The following UBAP2 variants were observed in gnomAD, a reference collection of about 807,000 sequenced individuals.
UBAP2 encodes the protein ubiquitin-associated protein 2.
A neutral mutation model predicts 139.6 loss-of-function variants in UBAP2; 75 were observed. The ratio of observed to expected loss-of-function variants is 0.54; its 90% CI spans 0.45 to 0.65. UBAP2 has a LOEUF of 0.65. Ranked by LOEUF, UBAP2 falls within the 30% of genes least tolerant of loss-of-function variation. The pLI is 0.00. For synonymous variants in UBAP2, 526 were observed against 526.2 expected (o/e 1.00, Z 0.01); for missense variants, 1,368 against 1,369.6 (o/e 1.00, Z 0.02).
rs967189112 is a variant in UBAP2, at chr9:33,921,783, T to G, written c.*721A>C. 6.6e-6 allele frequency: 1 copy of G among 152,530 alleles called. No homozygotes were observed. The highest frequency in any genetic ancestry group is 2.4e-5 in the African/African-American group (1 of 41,396). The allele number at this position is 152,530 out of a possible 1,614,324, so 9.4% of individuals were successfully genotyped here. On this transcript the variant is annotated 3_prime_UTR_variant, in exon 29 of 29. Coordinates refer to ENST00000379238, the MANE Select transcript of UBAP2 (RefSeq NM_001370062.2). ...TGGTTCAAGACAACTAGAATGGAGA[T>G]GTGTTGCTTGGAGATACCTTAGATT...
intron 1 of UBAP2, among the ~76,000 whole-genome samples, chr9:34,037,665 C>T (rs1009692424): frequency 6.6e-6 from 1 of 152,114 alleles, no homozygotes; most frequent in African/African-American, 2.4e-5. Context: ...TTATTTCTTG[C>T]TTATCAGATG....
chr9:34,038,269 T>C (rs1826640929), intron 1 of UBAP2, among the ~76,000 whole-genome samples: 1 of 151,780 alleles, frequency 6.6e-6, no homozygotes, highest in African/African-American at 2.4e-5. Flanking sequence ...GCCAACACAG[T>C]GAAACTCTGT....
chr9:33,944,480 A>G lies in UBAP2; in HGVS notation c.1430T>C (p.Val477Ala), dbSNP rs558818220. The G allele has an allele frequency of 8.6e-5, 139 of 1,614,148 alleles. No homozygotes were observed. In the Admixed American group the frequency reaches 1.3e-3, roughly 15 times the overall value. Residue 477 changes from valine (V) to alanine (A), a missense_variant, in exon 14 of 29, where the codon GTG (valine) becomes GCG (alanine). Transcript: ENST00000379238. ...ESTPGDSPST[V>A]NKLLQLPSTT... Reference sequence around the variant, plus strand: ...GCTGGGAAGCTGCAAAAGCTTGTTCACAGTGGAGGGACTGTCTCCAGGTGT... The same window carrying G: ...GCTGGGAAGCTGCAAAAGCTTGTTCGCAGTGGAGGGACTGTCTCCAGGTGT...
intron 12 of UBAP2, among the ~76,000 whole-genome samples, chr9:33,951,820 G>C (rs540413044): frequency 6.6e-6 from 1 of 152,198 alleles, no homozygotes; most frequent in South Asian, 2.1e-4. Context: ...CAATTCAGTG[G>C]ACACACATAG....
intron 1 of UBAP2, among the ~76,000 whole-genome samples, chr9:34,023,088 T>C (rs567618428): frequency 2.0e-5 from 3 of 151,962 alleles, no homozygotes; most frequent in Non-Finnish European, 4.4e-5. Context: ...TAGCCAGGCA[T>C]GGTGGCACGC....
At chr9:33,950,876 T>A (rs1355770234) in intron 12 of UBAP2, among the ~76,000 whole-genome samples, 1 of 152,238 alleles carries the variant, frequency 6.6e-6, no homozygotes, top group Non-Finnish European at 1.5e-5. Context: ...GAGAGACTTT[T>A]AAAATGTATA....
intron 1 of UBAP2, among the ~76,000 whole-genome samples, chr9:34,020,594 G>A (rs532811118): frequency 1.3e-5 from 2 of 151,944 alleles, no homozygotes; most frequent in East Asian, 3.9e-4. Context: ...CCAAAGTGCT[G>A]AGATTACAGG....
chr9:33,985,436 T>C (rs921040898), intron 6 of UBAP2, among the ~76,000 whole-genome samples: 2 of 152,184 alleles, frequency 1.3e-5, no homozygotes, highest in African/African-American at 2.4e-5. Flanking sequence ...CATCAACAGA[T>C]GAATGGATTT....
chr9:33,976,515 G>GCTCA (rs1234462206), intron 6 of UBAP2, among the ~76,000 whole-genome samples: 1 of 152,212 alleles, frequency 6.6e-6, no homozygotes, highest in Non-Finnish European at 1.5e-5. Context: ...GATTACTGGT[G>GCTCA]CTCAGGGTTG....
chr9:33,957,141 A>C (rs1312804732), intron 10 of UBAP2, among the ~76,000 whole-genome samples: 1 of 152,122 alleles, frequency 6.6e-6, no homozygotes, highest in Non-Finnish European at 1.5e-5. Context: ...GAAATAATCG[A>C]TGTTTTCTCC....
chr9:34,006,055 AC>A (rs1342583512), intron 2 of UBAP2, among the ~76,000 whole-genome samples: 1 of 151,868 alleles, frequency 6.6e-6, no homozygotes, highest in African/African-American at 2.4e-5. Context: ...CCACAGTGAA[AC>A]CCCATCTCTA....
At chr9:33,963,173 C>A (rs1175053980) in intron 9 of UBAP2, among the ~76,000 whole-genome samples, 4 of 151,984 alleles carry the variant, frequency 2.6e-5, no homozygotes, top group Admixed American at 2.0e-4. Flanking sequence ...TAGTTATAAG[C>A]AGAGATGCAA....
At chr9:33,989,363 A>G (rs764575095) in intron 4 of UBAP2, among the ~76,000 whole-genome samples, 5 of 152,028 alleles carry the variant, frequency 3.3e-5, no homozygotes, top group Non-Finnish European at 7.4e-5. Flanking sequence ...CACCACGCCC[A>G]ACTAATTTTT....
chr9:34,010,662 T>C (rs1182302748), intron 2 of UBAP2, among the ~76,000 whole-genome samples: 2 of 152,108 alleles, frequency 1.3e-5, no homozygotes, highest in African/African-American at 4.8e-5. Flanking sequence ...CTGTGACCAT[T>C]TTCATAATAA....
intron 6 of UBAP2, among the ~76,000 whole-genome samples, chr9:33,986,106 G>A (rs1243627539): frequency 1.3e-5 from 2 of 151,560 alleles, no homozygotes; most frequent in Admixed American, 6.6e-5. Context: ...AGGCTGGAGT[G>A]CAGTGAGGAG....
chr9:33,953,187 T>C (rs1826249236), intron 12 of UBAP2, 98 bp downstream of exon 12: 1 of 1,200,738 alleles, frequency 8.3e-7, no homozygotes, highest in Admixed American at 2.8e-5. Flanking sequence ...GATATTTTTA[T>C]ATTTAGAAAG....
At chr9:34,043,107 C>A (rs1475058275) in intron 1 of UBAP2, among the ~76,000 whole-genome samples, 1 of 152,124 alleles carries the variant, frequency 6.6e-6, no homozygotes, top group South Asian at 2.1e-4. Context: ...CCCCCAACCA[C>A]CTTCTACGTT....
intron 22 of UBAP2, 99 bp from the exon 23 acceptor site, chr9:33,924,383 CAG>C: frequency 8.5e-7 from 1 of 1,180,384 alleles, no homozygotes. Flanking sequence ...ACTCCTGAAA[CAG>C]ACTCCATGCC....
In UBAP2 at chr9:33,947,118, T is replaced by C. The variant is rs574832486; in HGVS notation, c.1270+1256A>G. ...GCAAAAAATGTAGGCACAGGGTACCTACATTTCTTGCCCCAGCAAAAACTT... is the reference window on the plus strand; with the variant it reads ...GCAAAAAATGTAGGCACAGGGTACCCACATTTCTTGCCCCAGCAAAAACTT... On this transcript the variant is annotated intron_variant, in intron 13 of 28. Transcript: ENST00000379238. Among the ~76,000 whole-genome samples the C allele has an allele frequency of 1.4e-4, 22 of 152,242 alleles. No individual in the cohort carries two copies. The South Asian group carries it at 4.1e-3, about 29-fold the overall frequency.
Sources: gnomAD v4.1 joint callset for allele counts (sites outside exome capture counted in the v4.1 genomes callset) on GRCh38, gnomAD v4.1.1 for gene constraint, MANE v1.5 for transcripts, NCBI Gene and HGNC (gene_info 2026-07-23, HGNC 2026-07-21) for gene names.